PIGL: variants seen among roughly 807,000 people sequenced by gnomAD.
The protein encoded by PIGL is phosphatidylinositol glycan anchor biosynthesis class L.
Under a neutral mutation model 31.1 loss-of-function variants are expected in PIGL, and 22 were observed. The ratio of observed to expected loss-of-function variants is 0.71; its 90% CI spans 0.51 to 1.01. The LOEUF (loss-of-function observed/expected upper bound fraction) is 1.01, where lower values mean the gene tolerates loss of function less well. Among genes scored for constraint, PIGL ranks in the 50% least tolerant of loss-of-function variants. PIGL has a pLI of 0.00. For missense variants in PIGL, 302 were observed against 315.9 expected (o/e 0.96, Z 0.33); for synonymous variants, 131 against 117.4 (o/e 1.12, Z -0.75).
chr17:16,224,816 C>T (rs2092644892), intron 1 of PIGL, among the ~76,000 whole-genome samples: 1 of 152,008 alleles, frequency 6.6e-6, no homozygotes, highest in African/African-American at 2.4e-5. Context: ...GCCACCATGC[C>T]CGGCTAATTT....
At chr17:16,235,424 AT>A (rs1192582056) in intron 2 of PIGL, among the ~76,000 whole-genome samples, 1 of 118,066 alleles carries the variant, frequency 8.5e-6, no homozygotes, top group African/African-American at 3.1e-5. Context: ...TGTTTCCTGT[AT>A]GTCTACGTTC....
chr17:16,259,686 C>T (rs1426950240), intron 2 of PIGL, among the ~76,000 whole-genome samples: 2 of 152,100 alleles, frequency 1.3e-5, no homozygotes, highest in African/African-American at 4.8e-5. Context: ...ATGGCAGCAG[C>T]GGCCTGTTTG....
chr17:16,223,327 C>T (rs929710661), intron 1 of PIGL, among the ~76,000 whole-genome samples: 2 of 152,110 alleles, frequency 1.3e-5, no homozygotes, highest in African/African-American at 4.8e-5. Context: ...GCCTGTAACC[C>T]CAGAACTTTG....
intron 2 of PIGL, among the ~76,000 whole-genome samples, chr17:16,298,039 C>T (rs1464151279): frequency 1.3e-5 from 2 of 152,080 alleles, no homozygotes; most frequent in African/African-American, 2.4e-5. Context: ...CTAGGTTGCA[C>T]GCCCCTATGA....
intron 2 of PIGL, among the ~76,000 whole-genome samples, chr17:16,262,434 A>G (rs2092823148): frequency 6.6e-6 from 1 of 152,226 alleles, no homozygotes; most frequent in Non-Finnish European, 1.5e-5. Context: ...GTTCGTGTGA[A>G]TGCTGAGATA....
chr17:16,242,644 C>CTTTTT (rs35572629), intron 2 of PIGL, among the ~76,000 whole-genome samples: 4 of 79,044 alleles, frequency 5.1e-5, no homozygotes, highest in Admixed American at 1.8e-4. Context: ...TTTCTGATTC[C>CTTTTT]TTTTTTTTTT....
chr17:16,245,475 T>A (rs2142712233), intron 2 of PIGL, among the ~76,000 whole-genome samples: 1 of 150,158 alleles, frequency 6.7e-6, no homozygotes, highest in Non-Finnish European at 1.5e-5. Flanking sequence ...ATGGGTTTAT[T>A]GGGACGTAGC....
At position 16,258,632 on chromosome 17, in the gene PIGL, T is replaced by C. The variant is rs1045015659; in HGVS notation, c.335+24562T>C. On this transcript the variant is annotated intron_variant, in intron 2 of 6. Transcript: ENST00000225609. The stretch of plus-strand genomic sequence containing the variant: ...GATTCTCCTGCCTCAGCCTCCGGAG[T>C]AGCTAGGATTACAGGCATGCACCAC... Among the ~76,000 whole-genome samples the C allele has an allele frequency of 9.2e-5, 14 of 151,634 alleles. No individual in the cohort carries two copies. The East Asian group carries it at 2.3e-3, about 25-fold the overall frequency.
chr17:16,244,208 G>A (rs188051456), intron 2 of PIGL, among the ~76,000 whole-genome samples: 65 of 152,300 alleles, frequency 4.3e-4, no homozygotes, highest in Non-Finnish European at 7.1e-4. Context: ...GGCCTAACTC[G>A]TTAGTCCTAC....
chr17:16,230,964 C>T (rs1484426123), intron 1 of PIGL, among the ~76,000 whole-genome samples: 1 of 151,284 alleles, frequency 6.6e-6, no homozygotes, highest in Non-Finnish European at 1.5e-5. Context: ...ATGATGCCTT[C>T]ATGCCCAGTC....
At chr17:16,252,066 C>CTTTT (rs66540057) in intron 2 of PIGL, among the ~76,000 whole-genome samples, 8 of 123,834 alleles carry the variant, frequency 6.5e-5, no homozygotes, top group African/African-American at 1.7e-4. Flanking sequence ...TTTTTTTTTC[C>CTTTT]TTTTTTTTTT....
At position 16,313,546 on chromosome 17, in the gene PIGL, G is replaced by A. The variant is rs770084126; in HGVS notation, c.427-1G>A. The A allele has an allele frequency of 2.4e-5, 39 of 1,612,272 alleles. No homozygotes were observed. The highest frequency in any genetic ancestry group is 4.0e-5 in the African/African-American group (3 of 74,910). On this transcript the variant is annotated splice_acceptor_variant, in intron 3 of 6. Transcript: ENST00000225609. LOFTEE classifies it high-confidence loss of function. ...AGTGAAAACCCTGTGTTTCTCTACA[G>A]GTGGTGACTTTCGATGCAGGGGGAG... is the stretch of plus-strand genomic sequence containing the variant.
intron 1 of PIGL, among the ~76,000 whole-genome samples, chr17:16,223,242 T>A (rs1049232199): frequency 2.6e-5 from 4 of 152,152 alleles, no homozygotes; most frequent in Non-Finnish European, 5.9e-5. Context: ...TGTCATTGAA[T>A]ATATATGGTA....
chr17:16,304,963 T>C (rs373548861), intron 3 of PIGL, among the ~76,000 whole-genome samples: 1 of 152,066 alleles, frequency 6.6e-6, no homozygotes, highest in African/African-American at 2.4e-5. Flanking sequence ...TAGATGTCAG[T>C]AGCAATCCCC....
intron 1 of PIGL, among the ~76,000 whole-genome samples, chr17:16,221,523 C>T (rs2092629208): frequency 1.3e-5 from 2 of 150,724 alleles, no homozygotes; most frequent in Non-Finnish European, 2.9e-5. Context: ...AATCTTGGGT[C>T]ACTGCAACCT....
chr17:16,307,670 C>CA (rs34629340), intron 3 of PIGL, among the ~76,000 whole-genome samples: 23 of 148,928 alleles, frequency 1.5e-4, no homozygotes, highest in African/African-American at 3.0e-4. Flanking sequence ...ACCACAACCT[C>CA]AAAAAAAAAA....
chr17:16,281,253 C>T (rs1024054695), intron 2 of PIGL, among the ~76,000 whole-genome samples: 5 of 152,160 alleles, frequency 3.3e-5, no homozygotes, highest in Non-Finnish European at 5.9e-5. Flanking sequence ...TGCTGTAGAA[C>T]AGTAGTTCAT....
intron 3 of PIGL, among the ~76,000 whole-genome samples, chr17:16,309,319 C>T (rs1186844189): frequency 1.3e-5 from 2 of 152,160 alleles, no homozygotes; most frequent in Non-Finnish European, 2.9e-5. Context: ...GATTAGTCTT[C>T]TTCTAGGGAC....
intron 2 of PIGL, among the ~76,000 whole-genome samples, chr17:16,250,002 A>G (rs2092763953): frequency 6.6e-6 from 1 of 152,190 alleles, no homozygotes; most frequent in Admixed American, 6.6e-5. Flanking sequence ...GCTGGAGTGC[A>G]GTGACATGAT....
Sources: allele counts gnomAD v4.1 joint callset (sites outside exome capture counted in the v4.1 genomes callset), GRCh38; gene constraint gnomAD v4.1.1; transcripts MANE v1.5; gene names NCBI Gene and HGNC (gene_info 2026-07-23, HGNC 2026-07-21).